CPS1: variants seen among roughly 807,000 people sequenced by gnomAD.
The protein encoded by CPS1 is carbamoyl-phosphate synthase 1, also known as carbamoyl-phosphate synthase [ammonia], mitochondrial.
Under a neutral mutation model 174.6 loss-of-function variants are expected in CPS1, and 109 were observed. That is an observed-to-expected ratio of 0.62 (90% CI 0.53 to 0.73). The LOEUF (loss-of-function observed/expected upper bound fraction) is 0.73. Among genes scored for constraint, CPS1 ranks in the 30% least tolerant of loss-of-function variants. CPS1 has a pLI of 0.00. For missense variants in CPS1, 1,689 were observed against 1,821.9 expected (o/e 0.93, Z 1.33); for synonymous variants, 637 against 632.0 (o/e 1.01, Z -0.12).
chr2:210,670,722 C>T (rs1254059081), intron 34 of CPS1, among the ~76,000 whole-genome samples: 1 of 152,104 alleles, frequency 6.6e-6, no homozygotes, highest in Admixed American at 6.6e-5. Context: ...TCCAAGAGAA[C>T]TTGTTATATG....
At chr2:210,615,154 A>G (rs1699263840) in intron 20 of CPS1, among the ~76,000 whole-genome samples, 1 of 151,806 alleles carries the variant, frequency 6.6e-6, no homozygotes. Flanking sequence ...ACCTCCTTTG[A>G]TCTCTTAAAA....
chr2:210,667,205 T>C (rs1351532594), intron 33 of CPS1, among the ~76,000 whole-genome samples: 1 of 152,194 alleles, frequency 6.6e-6, no homozygotes, highest in Non-Finnish European at 1.5e-5. Flanking sequence ...TGAAGTTGCT[T>C]ATCAGCTTAA....
chr2:210,481,710 G>A (rs1176192365), intron 1 of CPS1, among the ~76,000 whole-genome samples: 1 of 152,216 alleles, frequency 6.6e-6, no homozygotes, highest in East Asian at 1.9e-4. Flanking sequence ...TAGTAGCCAC[G>A]TTATTTGTGC....
intron 1 of CPS1, among the ~76,000 whole-genome samples, chr2:210,520,407 A>G (rs1395147446): frequency 6.6e-6 from 1 of 151,992 alleles, no homozygotes; most frequent in Non-Finnish European, 1.5e-5. Flanking sequence ...TCAACCCGCC[A>G]TCTAGGTTTT....
chr2:210,666,393 T>G (rs549315191), intron 33 of CPS1, among the ~76,000 whole-genome samples: 262 of 151,538 alleles, frequency 1.7e-3, no homozygotes, highest in Middle Eastern at 3.4e-3. Flanking sequence ...GGACATGAAG[T>G]CCTTGCCCAT....
chr2:210,505,767 A>G (rs576450269), intron 1 of CPS1, among the ~76,000 whole-genome samples: 4 of 152,332 alleles, frequency 2.6e-5, no homozygotes, highest in East Asian at 1.9e-4. Flanking sequence ...GAAGGGTCCT[A>G]TGCCCACGGA....
intron 21 of CPS1, among the ~76,000 whole-genome samples, chr2:210,636,996 T>C (rs1700060208): frequency 6.6e-6 from 1 of 152,202 alleles, no homozygotes; most frequent in Non-Finnish European, 1.5e-5. Context: ...AGGGAGAGGA[T>C]ATCCAAACTG....
intron 23 of CPS1, among the ~76,000 whole-genome samples, chr2:210,639,723 C>T (rs932319371): frequency 7.0e-6 from 1 of 141,932 alleles, no homozygotes; most frequent in Non-Finnish European, 1.5e-5. Context: ...TGAAATCAAA[C>T]AAATGAAAAA....
At chr2:210,565,086 T>C (rs1299006031) in intron 1 of CPS1, among the ~76,000 whole-genome samples, 2 of 151,936 alleles carry the variant, frequency 1.3e-5, no homozygotes, top group African/African-American at 4.8e-5. Flanking sequence ...TGTAATTCAG[T>C]TTAATTTAGA....
chr2:210,667,066 A>G (rs571572567), intron 33 of CPS1, among the ~76,000 whole-genome samples: 2 of 152,146 alleles, frequency 1.3e-5, no homozygotes, highest in African/African-American at 4.8e-5. Flanking sequence ...TGGATTCCTA[A>G]GTATTTTATT....
intron 1 of CPS1, among the ~76,000 whole-genome samples, chr2:210,539,307 A>T (rs947660191): frequency 2.6e-5 from 4 of 152,158 alleles, no homozygotes; most frequent in African/African-American, 9.6e-5. Context: ...TGATCTTTTC[A>T]TCTTCTGCAA....
At chr2:210,540,661 T>C (rs923675579) in intron 1 of CPS1, among the ~76,000 whole-genome samples, 6 of 152,164 alleles carry the variant, frequency 3.9e-5, no homozygotes, top group African/African-American at 1.4e-4. Context: ...TCCCATTTTG[T>C]ATATGAAGAA....
chr2:210,587,655 A>T (rs1698151939), intron 6 of CPS1, among the ~76,000 whole-genome samples: 1 of 152,050 alleles, frequency 6.6e-6, no homozygotes, highest in Admixed American at 6.6e-5. Flanking sequence ...CAAGTTGAGG[A>T]TCAAGTGGTA....
At chr2:210,576,876 G>A (rs1054069547) in intron 3 of CPS1, among the ~76,000 whole-genome samples, 1 of 152,088 alleles carries the variant, frequency 6.6e-6, no homozygotes, top group African/African-American at 2.4e-5. Flanking sequence ...TAGCTTTTAT[G>A]CCAGTCTAAA....
intron 10 of CPS1, among the ~76,000 whole-genome samples, chr2:210,592,607 AC>A (rs1698345568): frequency 6.6e-6 from 1 of 151,880 alleles, no homozygotes; most frequent in African/African-American, 2.4e-5. Context: ...AAGACTATAG[AC>A]CAAATTTTTT....
At chr2:210,671,125 C>T (rs992349350) in intron 34 of CPS1, among the ~76,000 whole-genome samples, 1 of 152,138 alleles carries the variant, frequency 6.6e-6, no homozygotes, top group African/African-American at 2.4e-5. Flanking sequence ...CTGGAAGACC[C>T]TTTAACATTA....
At chr2:210,520,911 T>C (rs1436865378) in intron 1 of CPS1, among the ~76,000 whole-genome samples, 2 of 152,070 alleles carry the variant, frequency 1.3e-5, no homozygotes, top group Non-Finnish European at 2.9e-5. Context: ...GCTAAGAGCA[T>C]TCATGTGCAA....
chr2:210,586,106 A>G (rs1393710675), intron 6 of CPS1, among the ~76,000 whole-genome samples: 1 of 151,872 alleles, frequency 6.6e-6, no homozygotes, highest in Non-Finnish European at 1.5e-5. Flanking sequence ...GAAAACACAC[A>G]TTGATATTAT....
chr2:210,541,010 A>G (rs1442770979), intron 1 of CPS1, among the ~76,000 whole-genome samples: 1 of 152,194 alleles, frequency 6.6e-6, no homozygotes, highest in Non-Finnish European at 1.5e-5. Flanking sequence ...CACAGTCATT[A>G]GTTACACAAG....
Sources: allele counts gnomAD v4.1 joint callset (sites outside exome capture counted in the v4.1 genomes callset), GRCh38; gene constraint gnomAD v4.1.1; transcripts MANE v1.5; gene names NCBI Gene and HGNC (gene_info 2026-07-23, HGNC 2026-07-21).